Variants in PCDH11X observed in about 807,000 individuals in gnomAD.
The protein encoded by PCDH11X is protocadherin 11 X-linked.
In PCDH11X, 18 loss-of-function variants were observed where a neutral mutation model predicts 53.3. The ratio of observed to expected loss-of-function variants is 0.34; its 90% CI spans 0.23 to 0.50. PCDH11X has a LOEUF of 0.50. Among genes scored for constraint, PCDH11X ranks in the 20% least tolerant of loss-of-function variants. The pLI, the probability that PCDH11X is intolerant of heterozygous loss-of-function variation, is 0.98. For missense variants in PCDH11X, 570 were observed against 1,032.4 expected (o/e 0.55, Z 6.14); for synonymous variants, 279 against 393.3 (o/e 0.71, Z 3.44).
At chrX:92,065,390 T>C (rs1003725482) in intron 6 of PCDH11X, among the ~76,000 whole-genome samples, 5 of 111,435 alleles carry the variant, frequency 4.5e-5, no homozygotes, top group African/African-American at 1.6e-4. Flanking sequence ...AACAGTAAGA[T>C]TGCTGGATTG....
At chrX:92,031,122 T>C (rs2063043107) in intron 6 of PCDH11X, among the ~76,000 whole-genome samples, 1 of 111,629 alleles carries the variant, frequency 9.0e-6, no homozygotes, top group Non-Finnish European at 1.9e-5. Flanking sequence ...AAGAGTTCCC[T>C]ATACTCCACA....
intron 7 of PCDH11X, among the ~76,000 whole-genome samples, chrX:92,202,913 C>A (rs745635416): frequency 9.0e-6 from 1 of 110,959 alleles, no homozygotes; most frequent in Non-Finnish European, 1.9e-5. Flanking sequence ...GTCCCAGCTA[C>A]CCAGGAGGCT....
chrX:92,208,211 A>C (rs1201748092), intron 7 of PCDH11X, among the ~76,000 whole-genome samples: 1 of 105,952 alleles, frequency 9.4e-6, no homozygotes, highest in Non-Finnish European at 1.9e-5. Flanking sequence ...AAAAAAAAAA[A>C]AAAAAAACTT....
At chrX:92,400,235 C>G (rs1326425529) in intron 9 of PCDH11X, among the ~76,000 whole-genome samples, 2 of 111,473 alleles carry the variant, frequency 1.8e-5, no homozygotes, top group Non-Finnish European at 3.8e-5. Flanking sequence ...GTACCAGCTG[C>G]GCTGTCAACT....
intron 10 of PCDH11X, among the ~76,000 whole-genome samples, chrX:92,519,009 A>T (rs2074322101): frequency 9.1e-6 from 1 of 109,979 alleles, no homozygotes; most frequent in Admixed American, 9.8e-5. Flanking sequence ...CGCCTTCATC[A>T]GCCTCCCAAA....
At chrX:92,279,665 T>A (rs142776911) in intron 8 of PCDH11X, among the ~76,000 whole-genome samples, 2 of 112,569 alleles carry the variant, frequency 1.8e-5, no homozygotes, top group African/African-American at 6.5e-5. Context: ...TATTAACTTT[T>A]ACTTGCCAAT....
chrX:92,394,900 A>G, intron 9 of PCDH11X, among the ~76,000 whole-genome samples: 1 of 112,028 alleles, frequency 8.9e-6, no homozygotes, highest in Middle Eastern at 4.7e-3. Context: ...TCAACAGAAC[A>G]TTCAACAACT....
At chrX:92,571,340 T>C (rs962275722) in intron 10 of PCDH11X, among the ~76,000 whole-genome samples, 12 of 111,559 alleles carry the variant, frequency 1.1e-4, no homozygotes, top group African/African-American at 3.6e-4. Context: ...TTTTAATTGC[T>C]ATTAAATTAG....
intron 7 of PCDH11X, among the ~76,000 whole-genome samples, chrX:92,251,499 A>C (rs927395824): frequency 2.7e-5 from 3 of 111,170 alleles, no homozygotes; most frequent in Non-Finnish European, 5.7e-5. Context: ...AAACTTTAGA[A>C]TTGAGCAAAT....
rs372283709 is a variant in PCDH11X at position 92,212,445 on chromosome X, G to A, written c.3114+10990G>A. Among the ~76,000 whole-genome samples, 46 of 111,813 alleles carry A rather than the reference G, an allele frequency of 4.1e-4. 1 individual carries two copies. The South Asian group carries it at 0.016, about 38-fold the overall frequency. On this transcript the variant is annotated intron_variant, in intron 7 of 10. Transcript: ENST00000682573. ...GGTTCACTGCAACCTCCACCTCCCGGTTTCAAGCAATTCTCCTGCCTCAGC... is the reference window on the plus strand; with the variant it reads ...GGTTCACTGCAACCTCCACCTCCCGATTTCAAGCAATTCTCCTGCCTCAGC...
At chrX:92,498,290 A>C (rs1343179131) in intron 10 of PCDH11X, among the ~76,000 whole-genome samples, 1 of 110,567 alleles carries the variant, frequency 9.0e-6, no homozygotes, top group Admixed American at 9.7e-5. Context: ...CAACAAAATT[A>C]GCAAAAGTAT....
chrX:92,174,245 A>G (rs1360404510), intron 6 of PCDH11X, among the ~76,000 whole-genome samples: 3 of 110,301 alleles, frequency 2.7e-5, no homozygotes, highest in Admixed American at 9.8e-5. Context: ...AAAACCTCAT[A>G]AAACCTGGTT....
At chrX:92,484,058 CCAAA>C (rs1371558831) in intron 10 of PCDH11X, among the ~76,000 whole-genome samples, 3 of 103,815 alleles carry the variant, frequency 2.9e-5, no homozygotes, top group Non-Finnish European at 5.8e-5. Context: ...CAAATGCCCA[CCAAA>C]CAATGAGTGA....
intron 6 of PCDH11X, among the ~76,000 whole-genome samples, chrX:92,014,872 C>A (rs1247314452): frequency 9.1e-6 from 1 of 110,297 alleles, no homozygotes; most frequent in Admixed American, 9.7e-5. Flanking sequence ...ACATCACACA[C>A]CAGGGCCTGT....
chrX:91,970,483 T>C (rs765907065), intron 6 of PCDH11X, among the ~76,000 whole-genome samples: 20 of 111,363 alleles, frequency 1.8e-4, no homozygotes, highest in Non-Finnish European at 3.6e-4. Context: ...AGAGCCCTGA[T>C]TGGTGCGTGT....
intron 6 of PCDH11X, among the ~76,000 whole-genome samples, chrX:91,880,441 A>G (rs1939839050): frequency 9.0e-6 from 1 of 111,648 alleles, no homozygotes; most frequent in Non-Finnish European, 1.9e-5. Context: ...GATATTAAAG[A>G]AGGCTACTGC....
chrX:92,221,205 TAAA>T (rs1219928362), intron 7 of PCDH11X, among the ~76,000 whole-genome samples: 1 of 16,456 alleles, frequency 6.1e-5, no homozygotes, highest in Non-Finnish European at 1.9e-4. Context: ...ATAATAATAA[TAAA>T]AAAATAAATA....
chrX:91,842,374 G>A (rs1309971143), intron 5 of PCDH11X, among the ~76,000 whole-genome samples: 1 of 108,539 alleles, frequency 9.2e-6, no homozygotes, highest in East Asian at 2.9e-4. Context: ...TTTTTGAAAT[G>A]TCCTTTTTTC....
chrX:92,577,117 T>C (rs1230545875), intron 10 of PCDH11X, among the ~76,000 whole-genome samples: 1 of 109,424 alleles, frequency 9.1e-6, no homozygotes, highest in African/African-American at 3.3e-5. Context: ...TCAGAAAAAG[T>C]AGTAGCAGTT....
Sources: gnomAD v4.1 joint callset for allele counts (sites outside exome capture counted in the v4.1 genomes callset) on GRCh38, gnomAD v4.1.1 for gene constraint, MANE v1.5 for transcripts, NCBI Gene and HGNC (gene_info 2026-07-23, HGNC 2026-07-21) for gene names.